ACACB: variants seen among roughly 807,000 people sequenced by gnomAD.
ACACB encodes acetyl-CoA carboxylase beta, also known as acetyl-CoA carboxylase 2.
ACACB carries 209 observed loss-of-function variants against 278.8 expected under a neutral mutation model. The observed-to-expected ratio is 0.75, with a 90% CI of 0.67 to 0.84. The LOEUF (loss-of-function observed/expected upper bound fraction) is 0.84, where lower values mean the gene tolerates loss of function less well. ACACB is among the 40% of genes least tolerant of loss of function. The pLI, the probability that ACACB is intolerant of heterozygous loss-of-function variation, is 0.00. For synonymous variants in ACACB, 1,174 were observed against 1,285.6 expected, an observed-to-expected ratio of 0.91 and a Z score of 1.86; for missense variants, 2,850 against 3,269.0, an observed-to-expected ratio of 0.87 and a Z score of 3.13.
chr12:109,195,646 A>G (rs538800114), intron 16 of ACACB, among the ~76,000 whole-genome samples: 8 of 152,342 alleles, frequency 5.3e-5, no homozygotes, highest in African/African-American at 1.4e-4. Flanking sequence ...CATTAATTTT[A>G]CAAAGTTGAG....
At position 109,259,127 on chromosome 12, in the gene ACACB, A is replaced by G. The variant is rs1355299061; in HGVS notation, c.6496+19A>G. 4 of 1,612,768 alleles carry G rather than the reference A, an allele frequency of 2.5e-6. No individual in the cohort carries two copies. In the South Asian group the frequency reaches 3.3e-5, roughly 13 times the overall value. On this transcript the variant is annotated intron_variant, in intron 47 of 52. Coordinates refer to ENST00000338432, the MANE Select transcript of ACACB (RefSeq NM_001093.4). ...ATGAAAGGTAAGCCCCTCCCTGCCT[A>G]TGTTACCCCAAAGCCTTGGGGTCAG...
At position 109,206,428 on chromosome 12, in the gene ACACB, C is replaced by CAAAAAAAAAAAAAAAAA. The variant is rs35315851; in HGVS notation, c.2914-266_2914-265insAAAAAAAAAAAAAAAAA. ...CAGCCTGGGGACAATGCGAGTGTCT[C>CAAAAAAAAAAAAAAAAA]AAAAAAAAAAAAAAAACAGATCTCA... On this transcript the variant is annotated intron_variant, in intron 19 of 52. Coordinates refer to ENST00000338432, the MANE Select transcript of ACACB (RefSeq NM_001093.4). Among the ~76,000 whole-genome samples the CAAAAAAAAAAAAAAAAA allele has an allele frequency of 5.4e-3, 480 of 89,596 alleles. 12 individuals carry two copies. Among genetic ancestry groups the CAAAAAAAAAAAAAAAAA allele is most frequent in the Middle Eastern group, 0.012 (2 of 168 alleles). The allele number at this position is 89,596 out of a possible 152,430, so 58.8% of individuals were successfully genotyped here.
At chr12:109,160,572 T>G (rs1431059099) in intron 2 of ACACB, among the ~76,000 whole-genome samples, 1 of 152,208 alleles carries the variant, frequency 6.6e-6, no homozygotes, top group East Asian at 1.9e-4. Context: ...CAAAGTCACC[T>G]TGAAACATTT....
intron 42 of ACACB, 138 bp downstream of exon 42, chr12:109,252,294 C>A: frequency 1.8e-6 from 1 of 569,410 alleles, no homozygotes. Flanking sequence ...TCTTTTTTTC[C>A]AATTTGCAGC....
intron 39 of ACACB, among the ~76,000 whole-genome samples, chr12:109,247,299 A>G (rs1210194149): frequency 6.6e-6 from 1 of 152,142 alleles, no homozygotes; most frequent in Non-Finnish European, 1.5e-5. Flanking sequence ...TTTTTAACAT[A>G]TATACATATA....
chr12:109,187,443 ATT>A (rs2044702795), intron 12 of ACACB, among the ~76,000 whole-genome samples: 2 of 147,950 alleles, frequency 1.4e-5, no homozygotes, highest in African/African-American at 5.0e-5. Context: ...TTATTTATTT[ATT>A]TATTTATTTA....
At chr12:109,232,405 A>T (rs1214050774) in intron 28 of ACACB, among the ~76,000 whole-genome samples, 2 of 152,100 alleles carry the variant, frequency 1.3e-5, no homozygotes, top group Non-Finnish European at 2.9e-5. Flanking sequence ...TCCCCTCGGG[A>T]CTGTGTTGAG....
At chr12:109,181,378 C>G (rs900498440) in intron 11 of ACACB, among the ~76,000 whole-genome samples, 2 of 152,058 alleles carry the variant, frequency 1.3e-5, no homozygotes, top group Admixed American at 1.3e-4. Flanking sequence ...CAGGTGCACA[C>G]TACTATGCCC....
intron 2 of ACACB, among the ~76,000 whole-genome samples, chr12:109,144,750 C>CTTTTTTTTTTTTTTT (rs770963307): frequency 8.6e-4 from 75 of 86,766 alleles, no homozygotes; most frequent in Non-Finnish European, 1.2e-3. Context: ...TTCTTTCTTT[C>CTTTTTTTTTTTTTTT]TTTCTTTTTT....
intron 24 of ACACB, among the ~76,000 whole-genome samples, chr12:109,217,523 G>T (rs925717654): frequency 1.3e-5 from 2 of 152,070 alleles, no homozygotes; most frequent in Non-Finnish European, 2.9e-5. Context: ...TTAAAACTGG[G>T]CACTGTGGCT....
At chr12:109,237,426 C>G (rs1428086744) in intron 34 of ACACB, 46 bp downstream of exon 34, 1 of 1,545,764 alleles carries the variant, frequency 6.5e-7, no homozygotes, top group Non-Finnish European at 8.8e-7. Context: ...ACCTGGCCCT[C>G]CCTTCCTTAC....
intron 22 of ACACB, among the ~76,000 whole-genome samples, chr12:109,216,219 C>CTTTTTTTTTTTTT (rs1194453989): frequency 7.8e-6 from 1 of 128,148 alleles, no homozygotes. Flanking sequence ...CTCTCTCTCT[C>CTTTTTTTTTTTTT]TTTTTTTTTT....
chr12:109,235,972 C>A, intron 33 of ACACB: 1 of 248,210 alleles, frequency 4.0e-6, no homozygotes, highest in South Asian at 8.9e-5. Flanking sequence ...GCACTCTAGC[C>A]TGGGTGACAG....
chr12:109,227,258 G>T, intron 27 of ACACB, 113 bp from the exon 28 acceptor site: 1 of 956,250 alleles, frequency 1.0e-6, no homozygotes, highest in South Asian at 1.6e-5. Context: ...CCTGCTTACA[G>T]ATAGATATTT....
intron 38 of ACACB, 45 bp from the exon 39 acceptor site, chr12:109,246,134 C>T: frequency 6.4e-7 from 1 of 1,558,838 alleles, no homozygotes; most frequent in Non-Finnish European, 8.7e-7. Context: ...AGTTTTCCCC[C>T]AAAGAAACAA....
At chr12:109,187,783 TA>T (rs1191123127) in intron 12 of ACACB, among the ~76,000 whole-genome samples, 1 of 151,684 alleles carries the variant, frequency 6.6e-6, no homozygotes, top group Non-Finnish European at 1.5e-5. Flanking sequence ...TTTTTACAGT[TA>T]AAAAAAATAA....
chr12:109,212,372 A>G (rs565747662), intron 21 of ACACB, among the ~76,000 whole-genome samples: 3 of 152,146 alleles, frequency 2.0e-5, no homozygotes, highest in Admixed American at 6.5e-5. Context: ...CTTTATTTCT[A>G]TTATGATTAC....
At chr12:109,194,696 G>T (rs1297250205) in intron 16 of ACACB, among the ~76,000 whole-genome samples, 1 of 151,036 alleles carries the variant, frequency 6.6e-6, no homozygotes, top group Non-Finnish European at 1.5e-5. Context: ...TCTCTTGTAA[G>T]AACACCAGTC....
At chr12:109,225,398 A>G (rs964679967) in intron 27 of ACACB, among the ~76,000 whole-genome samples, 2 of 152,048 alleles carry the variant, frequency 1.3e-5, no homozygotes, top group Admixed American at 6.6e-5. Flanking sequence ...ACGCCCAGCT[A>G]ATTTTTGTAT....
Sources: gnomAD v4.1 joint callset for allele counts (sites outside exome capture counted in the v4.1 genomes callset) on GRCh38, gnomAD v4.1.1 for gene constraint, MANE v1.5 for transcripts, NCBI Gene and HGNC (gene_info 2026-07-23, HGNC 2026-07-21) for gene names.